The following PDZD7 variants were observed in gnomAD, a reference collection of about 807,000 sequenced individuals.
PDZD7 encodes the protein PDZ domain containing 7, also known as PDZ domain-containing protein 7.
Under a neutral mutation model 84.7 loss-of-function variants are expected in PDZD7, and 72 were observed. The observed-to-expected ratio is 0.85, with a 90% CI of 0.70 to 1.03. PDZD7 has a LOEUF of 1.03. Ranked by LOEUF, PDZD7 falls within the 50% of genes least tolerant of loss-of-function variation. The probability of loss-of-function intolerance (pLI) is 0.00; values close to 1 mark genes in which losing one functional copy is unlikely to be tolerated. For synonymous variants in PDZD7, 594 were observed against 580.7 expected, an observed-to-expected ratio of 1.02 and a Z score of -0.33; for missense variants, 1,490 against 1,412.9, an observed-to-expected ratio of 1.05 and a Z score of -0.87.
chr10:101,024,095 C>T (rs765711261), intron 2 of PDZD7, 27 bp from the exon 3 acceptor site: 29 of 1,614,052 alleles, frequency 1.8e-5, no homozygotes, highest in East Asian at 8.9e-5. Context: ...TTAGGGATGC[C>T]CCCATGTTCA....
In PDZD7 at chr10:101,019,011, GGCC is replaced by G. The variant is rs2134058168; in HGVS notation, c.1132_1134del (p.Gly378del). The G allele has an allele frequency of 6.4e-7, 1 of 1,574,530 alleles. No homozygotes were observed. The highest frequency in any genetic ancestry group is 1.8e-5 in the Admixed American group (1 of 54,328). On this transcript the variant is annotated inframe_deletion, in exon 8 of 17. Transcript: ENST00000619208. The stretch of plus-strand genomic sequence containing the variant: ...CGCACGCTGCACCAGGTCTCCACCC[GGCC>G]TCCCGCATCGGGCTCCGTCTGCATG...
In PDZD7 at chr10:101,010,476, G is replaced by A; in HGVS notation, c.2413C>T (p.Pro805Ser). 1.3e-6 allele frequency: 2 copies of A among 1,535,588 alleles called. No homozygotes were observed. The highest frequency in any genetic ancestry group is 1.2e-5 in the South Asian group (1 of 84,062). ...RSPSPVPTPA[P>S]SMTNGRYHKP... ...TGGTAGCGCCCATTGGTCATGCTGG[G>A]GGCAGGGGTAGGCACCGGGGATGGG... Residue 805 changes from proline (P) to serine (S), a missense_variant, in exon 15 of 17, where the codon CCC (proline) becomes TCC (serine). Physicochemically the swap from Pro to Ser is moderately conservative, Grantham distance 74. Transcript: ENST00000619208.
At chr10:101,017,947 C>T in intron 9 of PDZD7, 152 bp downstream of exon 9, 1 of 735,450 alleles carries the variant, frequency 1.4e-6, no homozygotes, top group Admixed American at 2.2e-5. Context: ...GGTATTATTA[C>T]CCCCATTTTA....
At chr10:101,016,626 G>T (rs547077745) in intron 9 of PDZD7, among the ~76,000 whole-genome samples, 199 bp from the exon 10 acceptor site, 3 of 152,240 alleles carry the variant, frequency 2.0e-5, no homozygotes, top group African/African-American at 7.2e-5. Context: ...GAGTCAGGAC[G>T]GTTTTGGATC....
chr10:101,029,203 C>T (rs751935545), intron 2 of PDZD7, among the ~76,000 whole-genome samples: 2 of 152,194 alleles, frequency 1.3e-5, no homozygotes, highest in African/African-American at 2.4e-5. Flanking sequence ...CAGGCTGGCT[C>T]CTAAGTGCCC....
intron 2 of PDZD7, among the ~76,000 whole-genome samples, chr10:101,025,714 A>G (rs1447560639): frequency 6.7e-6 from 1 of 150,120 alleles, no homozygotes; most frequent in East Asian, 2.0e-4. Context: ...CGCCCGGCTA[A>G]TTTTTTGTAT....
chr10:101,030,339 T>C lies in PDZD7; in HGVS notation c.-120A>G. The C allele has an allele frequency of 1.2e-6, 1 of 859,814 alleles. No individual in the cohort carries two copies. The highest frequency in any genetic ancestry group is 2.6e-5 in the East Asian group (1 of 37,930). The allele number at this position is 859,814 out of a possible 1,614,324, so 53.3% of individuals were successfully genotyped here. ...GTGCGGGGCTGGGGTCTCAGTAACG[T>C]GAAGGCCCTCGCTTGCGATGCCTCT... On this transcript the variant is annotated 5_prime_UTR_variant, in exon 2 of 17. Transcript: ENST00000619208.
At chr10:101,016,316 A>G in intron 10 of PDZD7, 61 bp downstream of exon 10, 1 of 1,523,566 alleles carries the variant, frequency 6.6e-7, no homozygotes, top group Non-Finnish European at 8.9e-7. Flanking sequence ...GGCCCCCAGT[A>G]TGCACCCTCA....
chr10:101,010,243 C>CT, intron 15 of PDZD7, 29 bp downstream of exon 15: 1 of 1,499,116 alleles, frequency 6.7e-7, no homozygotes, highest in Non-Finnish European at 8.9e-7. Flanking sequence ...CTAGTGTCCT[C>CT]TGCCGGGCCC....
rs773303069 is a variant in PDZD7, at chr10:101,024,044, A to AG, written c.250_251insC (p.Ile84ThrfsTer65). The AG allele has an allele frequency of 3.7e-6, 6 of 1,614,218 alleles. No individual in the cohort carries two copies. Among genetic ancestry groups the AG allele is most frequent in the Non-Finnish European group, 5.1e-6 (6 of 1,180,038 alleles). On this transcript the variant is annotated frameshift_variant, in exon 3 of 17. Transcript: ENST00000619208. LOFTEE classifies it high-confidence loss of function. ...ACTCTTCTCCACCCGGACTGAATGG[A>AG]TGATGTCACTTTCATCACTGTTGGC...
At chr10:101,021,751 G>A (rs762401030) in intron 6 of PDZD7, 47 bp downstream of exon 6, 49 of 1,613,736 alleles carry the variant, frequency 3.0e-5, no homozygotes, top group Non-Finnish European at 3.9e-5. Context: ...GGTCTGGGAA[G>A]CCCCTACTCT....
chr10:101,013,974 C>T (rs555142954), intron 11 of PDZD7, among the ~76,000 whole-genome samples: 10 of 151,556 alleles, frequency 6.6e-5, no homozygotes, highest in Admixed American at 4.6e-4. Context: ...CTCAGCCTAC[C>T]GAGTAGCTGG....
chr10:101,010,586 C>G lies in PDZD7; in HGVS notation c.2303G>C (p.Gly768Ala), dbSNP rs748150927. ...REHPPQSQIR[G>A]RAQSRSRSRS... ...GCTGCGGCTACGGCTCTGAGCCCGGCCCCGGATCTGGCTCTGCGGAGGGTG... is the reference window on the plus strand; with the variant it reads ...GCTGCGGCTACGGCTCTGAGCCCGGGCCCGGATCTGGCTCTGCGGAGGGTG... Residue 768 changes from glycine (G) to alanine (A), a missense_variant, in exon 15 of 17, where the codon GGC (glycine) becomes GCC (alanine). Gly to Ala is a moderately conservative substitution (Grantham distance 60, BLOSUM62 0). Transcript: ENST00000619208. The G allele has an allele frequency of 1.3e-6, 2 of 1,513,274 alleles. No individual in the cohort carries two copies. The highest frequency in any genetic ancestry group is 2.5e-5 in the South Asian group (2 of 80,936). 93.7% of individuals were successfully genotyped at this position (1,513,274 alleles called of 1,614,324 possible).
chr10:101,015,320 G>T (rs769062460), intron 11 of PDZD7, among the ~76,000 whole-genome samples: 1 of 151,272 alleles, frequency 6.6e-6, no homozygotes, highest in Non-Finnish European at 1.5e-5. Flanking sequence ...ACCTCCTCTA[G>T]GAGGGCCTCC....
At chr10:101,011,850 C>T in intron 13 of PDZD7, 75 bp downstream of exon 13, 1 of 1,549,732 alleles carries the variant, frequency 6.5e-7, no homozygotes, top group Non-Finnish European at 8.7e-7. Flanking sequence ...ATCTCTGCAG[C>T]CCTCTCCACC....
In PDZD7 at chr10:101,019,103, T is replaced by C; in HGVS notation, c.1043A>G (p.Asp348Gly). 1 of 1,557,960 alleles carries C rather than the reference T, an allele frequency of 6.4e-7. No homozygotes were observed. The highest frequency in any genetic ancestry group is 8.6e-7 in the Non-Finnish European group (1 of 1,158,640). Residue 348 changes from aspartate (D) to glycine (G), a missense_variant, in exon 8 of 17, where the codon GAC (aspartate) becomes GGC (glycine). Physicochemically the swap from Asp to Gly is moderately conservative, Grantham distance 94 (BLOSUM62 -1). Coordinates refer to ENST00000619208, the MANE Select transcript of PDZD7 (RefSeq NM_001195263.2). ...SSGSLPSDRMDICLGQEEPGS... is the reference protein window; with the variant it reads ...SSGSLPSDRMGICLGQEEPGS... ...GGGCTCCTCCTGCCCGAGGCAGATG[T>C]CCATGCGGTCCGACGGCAGGGAGCC...
intron 15 of PDZD7, 75 bp downstream of exon 15, chr10:101,010,197 A>T (rs936210666): frequency 1.4e-6 from 2 of 1,450,960 alleles, no homozygotes; most frequent in African/African-American, 2.8e-5. Context: ...GCCTGGCCCA[A>T]TACTCCTCCA....
chr10:101,017,705 G>A (rs1436975028), intron 9 of PDZD7: 8 of 665,966 alleles, frequency 1.2e-5, no homozygotes, highest in Admixed American at 2.1e-5. Context: ...AGGATCGCTT[G>A]AGCGTGGGAG....
intron 11 of PDZD7, among the ~76,000 whole-genome samples, chr10:101,012,862 C>A (rs998905008): frequency 6.6e-6 from 1 of 152,242 alleles, no homozygotes; most frequent in Non-Finnish European, 1.5e-5. Flanking sequence ...GGGGAAGGGC[C>A]TCTCCAATCA....
Sources: gnomAD v4.1 joint callset for allele counts (sites outside exome capture counted in the v4.1 genomes callset) on GRCh38, gnomAD v4.1.1 for gene constraint, MANE v1.5 for transcripts, NCBI Gene and HGNC (gene_info 2026-07-23, HGNC 2026-07-21) for gene names.